The following DIABLO variants were observed in gnomAD, a reference collection of about 807,000 sequenced individuals.
DIABLO encodes the protein diablo IAP-binding mitochondrial protein, also known as diablo homolog, mitochondrial.
A neutral mutation model predicts 31.7 loss-of-function variants in DIABLO; 32 were observed. The observed-to-expected ratio is 1.01, with a 90% CI of 0.76 to 1.35. DIABLO has a LOEUF of 1.35. Among genes scored for constraint, DIABLO ranks in the 40% most tolerant of loss-of-function variants. The pLI is 0.00. For missense variants in DIABLO, 316 were observed against 286.4 expected, an observed-to-expected ratio of 1.10 and a Z score of -0.75; for synonymous variants, 132 against 103.2, an observed-to-expected ratio of 1.28 and a Z score of -1.69.
In DIABLO at chr12:122,208,495, C is replaced by G. The variant is rs546846027; in HGVS notation, c.606G>C (p.Arg202=). The change falls in exon 6 of 6, where the codon CGG becomes CGC. Residue 202 remains arginine, a synonymous_variant. Transcript: ENST00000464942. ...CTTCTGCCAGCTTGGTTTCTGCTTT[C>G]CGGGAGAGCTGGTGCACCTCTTCCA... ...LQVEEVHQLS[R]KAETKLAEAQ... is the part of the protein sequence containing the mutation. 40 of 1,614,154 alleles carry G rather than the reference C, an allele frequency of 2.5e-5. 1 individual carries two copies. In the South Asian group the frequency reaches 4.3e-4, roughly 17 times the overall value.
chr12:122,212,161 G>C (rs1342555266), intron 5 of DIABLO, among the ~76,000 whole-genome samples: 2 of 151,894 alleles, frequency 1.3e-5, no homozygotes, highest in Non-Finnish European at 2.9e-5. Context: ...TAATTGACGG[G>C]TTTTCTTTTT....
chr12:122,214,167 A>G (rs1249559978), intron 5 of DIABLO, among the ~76,000 whole-genome samples: 2 of 152,202 alleles, frequency 1.3e-5, no homozygotes, highest in Non-Finnish European at 2.9e-5. Flanking sequence ...ATGATGACAC[A>G]ACACTTACCT....
intron 2 of DIABLO, chr12:122,220,741 CAG>C (rs1247917008): frequency 9.2e-5 from 14 of 152,324 alleles, no homozygotes; most frequent in African/African-American, 3.4e-4. Flanking sequence ...TACAAACACT[CAG>C]AATCACTGCA....
At chr12:122,217,074 A>T (rs2136096848) in intron 3 of DIABLO, 4 of 536,120 alleles carry the variant, frequency 7.5e-6, no homozygotes, top group Non-Finnish European at 1.3e-5. Context: ...GTGTTTTTAA[A>T]AGCTTGTCAG....
intron 3 of DIABLO, chr12:122,217,110 A>G: frequency 2.1e-6 from 1 of 465,350 alleles, no homozygotes. Flanking sequence ...AAGAGAAAAC[A>G]ATGCAAGGGA....
intron 5 of DIABLO, chr12:122,209,985 TAA>T (rs1244427114): frequency 6.9e-6 from 4 of 580,304 alleles, no homozygotes; most frequent in Non-Finnish European, 1.2e-5. Flanking sequence ...GGGCATATGT[TAA>T]GTGGTTTTTC....
Position 122,226,047 on chromosome 12 carries a change from G to A in DIABLO, c.-33C>T, listed in dbSNP as rs764728470. 1 of 1,592,688 alleles carries A rather than the reference G, an allele frequency of 6.3e-7. No individual in the cohort carries two copies. ...CGCGCGGACGCCAGACGCACACGCC[G>A]GAAGTGACGCAGCTTCGTGAGCGCG... On this transcript the variant is annotated 5_prime_UTR_variant, in exon 1 of 6. Coordinates refer to ENST00000464942, the MANE Select transcript of DIABLO (RefSeq NM_001371333.1).
intron 5 of DIABLO, among the ~76,000 whole-genome samples, chr12:122,211,123 G>A (rs894395024): frequency 2.9e-5 from 4 of 137,676 alleles, no homozygotes; most frequent in Non-Finnish European, 6.2e-5. Flanking sequence ...ATCACAGACG[G>A]GCACAGTGGC....
chr12:122,217,138 G>A (rs1954232444), intron 3 of DIABLO: 3 of 408,030 alleles, frequency 7.4e-6, no homozygotes, highest in Admixed American at 3.8e-5. Flanking sequence ...AAAGGTTGAG[G>A]GGAAAAAAGC....
Position 122,208,338 on chromosome 12 carries a change from C to T in DIABLO, c.*43G>A. 6.2e-7 allele frequency: 1 copy of T among 1,603,202 alleles called. No homozygotes were observed. The highest frequency in any genetic ancestry group is 8.5e-7 in the Non-Finnish European group (1 of 1,174,724). On this transcript the variant is annotated 3_prime_UTR_variant, in exon 6 of 6. Transcript: ENST00000464942. ...CTGGGCAGGGTGGCATCTGCCCCTG[C>T]TTTCCCCACTGAGTGGGGAGACAGG...
At position 122,208,332 on chromosome 12, in the gene DIABLO, C is replaced by T. The variant is rs770690741; in HGVS notation, c.*49G>A. The T allele has an allele frequency of 1.3e-6, 2 of 1,599,312 alleles. No homozygotes were observed. Among genetic ancestry groups the T allele is most frequent in the East Asian group, 2.2e-5 (1 of 44,830 alleles). On this transcript the variant is annotated 3_prime_UTR_variant, in exon 6 of 6. Transcript: ENST00000464942. ...CCAACCCTGGGCAGGGTGGCATCTGCCCCTGCTTTCCCCACTGAGTGGGGA... is the reference window on the plus strand; with the variant it reads ...CCAACCCTGGGCAGGGTGGCATCTGTCCCTGCTTTCCCCACTGAGTGGGGA...
intron 5 of DIABLO, chr12:122,208,828 T>G: frequency 1.7e-6 from 1 of 600,598 alleles, no homozygotes; most frequent in African/African-American, 1.8e-5. Context: ...TAAATGCAAC[T>G]CTCACAATCA....
intron 1 of DIABLO, 117 bp downstream of exon 1, chr12:122,225,848 G>C: frequency 6.5e-7 from 1 of 1,529,288 alleles, no homozygotes; most frequent in Non-Finnish European, 8.8e-7. Flanking sequence ...CCGCGACCCA[G>C]CTGGGCGGAC....
chr12:122,208,622 C>T (rs369135778), intron 5 of DIABLO, 45 bp from the exon 6 acceptor site: 15 of 1,592,934 alleles, frequency 9.4e-6, no homozygotes, highest in South Asian at 2.2e-5. Flanking sequence ...GTGCAGGGCG[C>T]GGAAGGCTCA....
At chr12:122,225,168 G>C (rs986723248) in intron 1 of DIABLO, 1 of 265,416 alleles carries the variant, frequency 3.8e-6, no homozygotes, top group African/African-American at 2.3e-5. Context: ...AGCCGAGAGC[G>C]CCCCACTGCA....
intron 2 of DIABLO, among the ~76,000 whole-genome samples, chr12:122,218,933 T>TAA (rs1193774146): frequency 4.8e-4 from 44 of 91,434 alleles, no homozygotes; most frequent in African/African-American, 1.5e-3. Context: ...AGAGCAAGAC[T>TAA]AAAAAAAAAA....
intron 5 of DIABLO, 110 bp downstream of exon 5, chr12:122,216,378 T>C: frequency 2.2e-6 from 2 of 916,950 alleles, no homozygotes; most frequent in Middle Eastern, 2.2e-4. Context: ...TGAGAGCCAC[T>C]TAGACCATTT....
intron 5 of DIABLO, among the ~76,000 whole-genome samples, chr12:122,210,268 T>C (rs1954052410): frequency 6.6e-6 from 1 of 152,064 alleles, no homozygotes; most frequent in South Asian, 2.1e-4. Context: ...TACAGTAACA[T>C]AGGTATTATA....
At chr12:122,209,962 C>T (rs1045822672) in intron 5 of DIABLO, 1 of 600,274 alleles carries the variant, frequency 1.7e-6, no homozygotes, top group Non-Finnish European at 3.0e-6. Flanking sequence ...GGCTACTACA[C>T]TGAAGATGTT....
Sources: gnomAD v4.1 joint callset for allele counts (sites outside exome capture counted in the v4.1 genomes callset) on GRCh38, gnomAD v4.1.1 for gene constraint, MANE v1.5 for transcripts, NCBI Gene and HGNC (gene_info 2026-07-23, HGNC 2026-07-21) for gene names.